The following TMEM30A variants were observed in gnomAD, a reference collection of about 807,000 sequenced individuals.
TMEM30A encodes cell division cycle 50 P4-ATPase accessory subunit A.
Under a neutral mutation model 38.2 loss-of-function variants are expected in TMEM30A, and 24 were observed. The ratio of observed to expected loss-of-function variants is 0.63; its 90% CI spans 0.46 to 0.88. The LOEUF is 0.88. Ranked by LOEUF, TMEM30A falls within the 40% of genes least tolerant of loss-of-function variation. The probability of loss-of-function intolerance (pLI) is 0.00; values close to 1 mark genes in which losing one functional copy is unlikely to be tolerated. For missense variants in TMEM30A, 370 were observed against 458.6 expected, an observed-to-expected ratio of 0.81 and a Z score of 1.77; for synonymous variants, 145 against 161.6, an observed-to-expected ratio of 0.90 and a Z score of 0.78.
intron 1 of TMEM30A, among the ~76,000 whole-genome samples, chr6:75,275,762 T>C (rs1338127581): frequency 6.6e-6 from 1 of 152,222 alleles, no homozygotes; most frequent in African/African-American, 2.4e-5. Context: ...CTGTGTGATA[T>C]TGTGATTTAC....
chr6:75,269,552 A>G (rs1050363286), intron 1 of TMEM30A, among the ~76,000 whole-genome samples: 1 of 152,252 alleles, frequency 6.6e-6, no homozygotes, highest in Admixed American at 6.5e-5. Flanking sequence ...CTACTGAAGG[A>G]CATCTTGGTT....
In TMEM30A at chr6:75,255,462, C is replaced by G. The variant is rs1771852484; in HGVS notation, c.*640G>C. 1 of 152,328 alleles carries G rather than the reference C, an allele frequency of 6.6e-6. No homozygotes were observed. Among genetic ancestry groups the G allele is most frequent in the Non-Finnish European group, 1.5e-5 (1 of 67,976 alleles). The allele number at this position is 152,328 out of a possible 1,614,324, so 9.4% of individuals were successfully genotyped here. ...ATTTTTTAATTCTCCTAAGCAGGAC[C>G]TACCCAACCACTGCAGACATGAGCA... On this transcript the variant is annotated 3_prime_UTR_variant, in exon 7 of 7. Transcript: ENST00000230461.
chr6:75,283,033 A>G (rs930650465), intron 1 of TMEM30A, among the ~76,000 whole-genome samples: 1 of 152,198 alleles, frequency 6.6e-6, no homozygotes, highest in Non-Finnish European at 1.5e-5. Flanking sequence ...GTGATAAAAC[A>G]AACTAAAATA....
intron 3 of TMEM30A, among the ~76,000 whole-genome samples, chr6:75,264,678 C>G (rs1045336056): frequency 1.3e-5 from 2 of 151,838 alleles, no homozygotes; most frequent in African/African-American, 4.8e-5. Context: ...AATACATAGG[C>G]ACTAACCACT....
intron 1 of TMEM30A, among the ~76,000 whole-genome samples, chr6:75,275,598 C>A (rs1458770557): frequency 6.6e-6 from 1 of 152,198 alleles, no homozygotes; most frequent in Non-Finnish European, 1.5e-5. Context: ...TCACTTTTCT[C>A]TTACACCCCA....
intron 1 of TMEM30A, among the ~76,000 whole-genome samples, chr6:75,270,703 C>T (rs240398): frequency 0.91 from 139,073 of 152,268 alleles, 63,766 homozygotes; most frequent in East Asian, 0.98. Flanking sequence ...ATTAAGACAC[C>T]GTAGTACTCC....
intron 1 of TMEM30A, 51 bp downstream of exon 1, chr6:75,284,351 G>A (rs755961089): frequency 1.9e-6 from 3 of 1,556,750 alleles, no homozygotes; most frequent in African/African-American, 2.7e-5. Flanking sequence ...TGGGCGCGTA[G>A]GACCCTCCTC....
intron 6 of TMEM30A, 146 bp downstream of exon 6, chr6:75,258,634 A>G (rs1771908989): frequency 9.4e-6 from 6 of 639,678 alleles, no homozygotes; most frequent in African/African-American, 3.7e-5. Flanking sequence ...ATTTAAAAAT[A>G]CATTCTCACA....
intron 1 of TMEM30A, among the ~76,000 whole-genome samples, chr6:75,275,632 C>T (rs1772247892): frequency 6.6e-6 from 1 of 152,174 alleles, no homozygotes; most frequent in South Asian, 2.1e-4. Flanking sequence ...TGAGAAAATT[C>T]TTTTAGCTCT....
At chr6:75,277,305 CAAAAAAAAAAAA>C (rs60419282) in intron 1 of TMEM30A, among the ~76,000 whole-genome samples, 2 of 91,722 alleles carry the variant, frequency 2.2e-5, no homozygotes, top group African/African-American at 3.9e-5. Context: ...TGTCCTCATC[CAAAAAAAAAAAA>C]AAAAAAAAAA....
In TMEM30A at chr6:75,256,015, T is replaced by A; in HGVS notation, c.*87A>T. The A allele has an allele frequency of 1.1e-6, 1 of 931,928 alleles. No individual in the cohort carries two copies. Among genetic ancestry groups the A allele is most frequent in the Non-Finnish European group, 1.6e-6 (1 of 633,390 alleles). 57.7% of individuals were successfully genotyped at this position (931,928 alleles called of 1,614,324 possible). ...GTTATGTGCCAACTTCAAAATGACATACTAACCAGATATCAGCATTCGAAA... is the reference window on the plus strand; with the variant it reads ...GTTATGTGCCAACTTCAAAATGACAAACTAACCAGATATCAGCATTCGAAA... On this transcript the variant is annotated 3_prime_UTR_variant, in exon 7 of 7. Coordinates refer to ENST00000230461, the MANE Select transcript of TMEM30A (RefSeq NM_018247.4).
intron 3 of TMEM30A, among the ~76,000 whole-genome samples, chr6:75,264,676 G>A (rs753207743): frequency 3.0e-4 from 45 of 151,832 alleles, no homozygotes; most frequent in Non-Finnish European, 5.6e-4. Context: ...AAAATACATA[G>A]GCACTAACCA....
At chr6:75,278,953 T>C (rs1456004749) in intron 1 of TMEM30A, among the ~76,000 whole-genome samples, 1 of 152,150 alleles carries the variant, frequency 6.6e-6, no homozygotes, top group Admixed American at 6.5e-5. Flanking sequence ...TACACAGTGT[T>C]CCATGGTCAT....
chr6:75,263,594 A>T (rs1307414695), intron 3 of TMEM30A, among the ~76,000 whole-genome samples: 1 of 152,224 alleles, frequency 6.6e-6, no homozygotes, highest in African/African-American at 2.4e-5. Context: ...ACCTCCAGGG[A>T]AACAGTAAAA....
At chr6:75,260,674 A>G (rs1771950103) in intron 4 of TMEM30A, 150 bp downstream of exon 4, 1 of 420,704 alleles carries the variant, frequency 2.4e-6, no homozygotes, top group South Asian at 1.0e-4. Flanking sequence ...AGAAAATCAC[A>G]AATCATTATA....
At chr6:75,280,572 TC>T (rs1337344123) in intron 1 of TMEM30A, among the ~76,000 whole-genome samples, 15 of 152,288 alleles carry the variant, frequency 9.8e-5, no homozygotes, top group African/African-American at 3.6e-4. Context: ...GTTAGTGCTC[TC>T]CTATCATCAA....
intron 1 of TMEM30A, among the ~76,000 whole-genome samples, chr6:75,277,925 T>C (rs1772288663): frequency 6.6e-6 from 1 of 151,870 alleles, no homozygotes; most frequent in Non-Finnish European, 1.5e-5. Flanking sequence ...AAAAATAAAA[T>C]AAAAATAAAA....
chr6:75,278,049 CTTTT>C lies in TMEM30A; in HGVS notation c.237+6349_237+6352del, dbSNP rs535268279. Among the ~76,000 whole-genome samples the C allele has an allele frequency of 9.9e-5, 15 of 151,644 alleles. No individual in the cohort carries two copies. The South Asian group carries it at 3.1e-3, about 32-fold the overall frequency. On this transcript the variant is annotated intron_variant, in intron 1 of 6. Transcript: ENST00000230461. ...ATGGTGATATTCAATACTCCTATAA[CTTTT>C]TTTTTAAGTATCAGCAAAGCCACAT...
chr6:75,279,961 AT>A (rs1772330377), intron 1 of TMEM30A, among the ~76,000 whole-genome samples: 1 of 152,180 alleles, frequency 6.6e-6, no homozygotes, highest in Non-Finnish European at 1.5e-5. Flanking sequence ...TAAAAATCAT[AT>A]TTTAAGTACT....
Sources: gnomAD v4.1 joint callset for allele counts (sites outside exome capture counted in the v4.1 genomes callset) on GRCh38, gnomAD v4.1.1 for gene constraint, MANE v1.5 for transcripts, NCBI Gene and HGNC (gene_info 2026-07-23, HGNC 2026-07-21) for gene names.